The following MYRIP variants were observed in gnomAD, a reference collection of about 807,000 sequenced individuals.
MYRIP encodes the protein rab effector MyRIP.
A neutral mutation model predicts 98.0 loss-of-function variants in MYRIP; 49 were observed. The ratio of observed to expected loss-of-function variants is 0.50; its 90% CI spans 0.40 to 0.63. The LOEUF is 0.63. MYRIP is among the 30% of genes least tolerant of loss of function. The pLI is 0.00. For missense variants in MYRIP, 1,004 were observed against 1,058.2 expected (o/e 0.95, Z 0.71); for synonymous variants, 404 against 409.5 (o/e 0.99, Z 0.16).
chr3:40,037,023 CCAAT>C (rs1947399609), intron 2 of MYRIP, among the ~76,000 whole-genome samples: 9 of 151,658 alleles, frequency 5.9e-5, no homozygotes, highest in Admixed American at 5.9e-4. Flanking sequence ...GCAAAGAAAA[CCAAT>C]CAATCTGATA....
rs199912710 is a variant in MYRIP at position 40,240,223 on chromosome 3, T to C, written c.2101-4223T>C. On this transcript the variant is annotated intron_variant, in intron 12 of 16. Transcript: ENST00000302541. ...GTCAAAGATCAGATAGTTGTAGATA[T>C]GCGGCATTATTTCTGAGGGCTCTGT... Among the ~76,000 whole-genome samples the C allele has an allele frequency of 1.4e-4, 21 of 152,208 alleles. No homozygotes were observed. The East Asian group carries it at 3.9e-3, about 28-fold the overall frequency.
At chr3:40,122,238 G>GA (rs1226512309) in intron 3 of MYRIP, among the ~76,000 whole-genome samples, 8 of 150,168 alleles carry the variant, frequency 5.3e-5, no homozygotes, top group Non-Finnish European at 5.9e-5. Flanking sequence ...GAAAGTAAAT[G>GA]AAAAAGAAAT....
intron 3 of MYRIP, among the ~76,000 whole-genome samples, chr3:40,109,157 C>G (rs1949110601): frequency 6.6e-6 from 1 of 152,082 alleles, no homozygotes; most frequent in Non-Finnish European, 1.5e-5. Flanking sequence ...TTCTAGGGTA[C>G]ATGTGCGCTT....
chr3:40,231,125 C>T (rs919974541), intron 11 of MYRIP, among the ~76,000 whole-genome samples: 15 of 152,274 alleles, frequency 9.9e-5, no homozygotes, highest in Non-Finnish European at 1.5e-5. Flanking sequence ...ACGCCCAGCC[C>T]GTTCAGTCAC....
chr3:40,136,219 G>A (rs1334996743), intron 3 of MYRIP, among the ~76,000 whole-genome samples: 1 of 152,130 alleles, frequency 6.6e-6, no homozygotes, highest in African/African-American at 2.4e-5. Context: ...ACAAAAAAAG[G>A]CAGGGGTTGC....
chr3:40,080,445 G>A (rs72871501), intron 3 of MYRIP, among the ~76,000 whole-genome samples: 3,569 of 151,856 alleles, frequency 0.024, 92 homozygotes, highest in African/African-American at 0.06. Context: ...TGAGTAAGGC[G>A]CTATGCCTTC....
rs889593385 is a variant in MYRIP at position 39,989,971 on chromosome 3, G to A, written c.111-54079G>A. Among the ~76,000 whole-genome samples the A allele has an allele frequency of 9.2e-5, 14 of 152,272 alleles. 1 individual carries two copies. Among genetic ancestry groups the A allele is most frequent in the South Asian group, 6.2e-4 (3 of 4,832 alleles). On this transcript the variant is annotated intron_variant, in intron 2 of 16. Transcript: ENST00000302541. Reference sequence around the variant, plus strand: ...TCAGTCCCAGTGTTGGCTGTCACCCGTCCCCCAAGGAGTCCAAACGGCTTA... The same window carrying A: ...TCAGTCCCAGTGTTGGCTGTCACCCATCCCCCAAGGAGTCCAAACGGCTTA...
intron 3 of MYRIP, among the ~76,000 whole-genome samples, chr3:40,067,503 A>G (rs1422388373): frequency 6.6e-6 from 1 of 152,154 alleles, no homozygotes; most frequent in Non-Finnish European, 1.5e-5. Context: ...GGCCAAGAAG[A>G]TCTGTTCCCT....
intron 2 of MYRIP, among the ~76,000 whole-genome samples, chr3:39,988,184 T>G (rs1946081078): frequency 6.6e-6 from 1 of 151,970 alleles, no homozygotes; most frequent in East Asian, 1.9e-4. Context: ...GGGGAAAGGA[T>G]AGCATTAGGA....
chr3:40,235,261 T>G (rs1343965663), intron 12 of MYRIP, among the ~76,000 whole-genome samples: 1 of 152,208 alleles, frequency 6.6e-6, no homozygotes, highest in Non-Finnish European at 1.5e-5. Context: ...CAGCCATTGC[T>G]AGTGGATCTG....
At chr3:39,947,493 A>G (rs186075674) in intron 2 of MYRIP, among the ~76,000 whole-genome samples, 2 of 152,306 alleles carry the variant, frequency 1.3e-5, no homozygotes, top group Non-Finnish European at 2.9e-5. Context: ...CATTGAGGAG[A>G]TATAAGCACT....
chr3:40,007,658 C>A (rs973990705), intron 2 of MYRIP, among the ~76,000 whole-genome samples: 1 of 152,162 alleles, frequency 6.6e-6, no homozygotes, highest in African/African-American at 2.4e-5. Flanking sequence ...AGAAACAAAA[C>A]CACTAGGATG....
chr3:40,164,906 T>A (rs1483695133), intron 5 of MYRIP, among the ~76,000 whole-genome samples: 2 of 152,226 alleles, frequency 1.3e-5, no homozygotes, highest in Admixed American at 1.3e-4. Context: ...GGGTTACTTA[T>A]GTGTCTAATC....
At chr3:40,014,664 T>C (rs35315569) in intron 2 of MYRIP, among the ~76,000 whole-genome samples, 78,321 of 152,010 alleles carry the variant, frequency 0.52, 21,333 homozygotes, top group East Asian at 0.67. Context: ...TTGTGGTCTA[T>C]GGTAGTTTCT....
intron 10 of MYRIP, among the ~76,000 whole-genome samples, chr3:40,207,153 C>T (rs1951810336): frequency 6.6e-6 from 1 of 152,130 alleles, no homozygotes; most frequent in Non-Finnish European, 1.5e-5. Flanking sequence ...CAGACTGACC[C>T]AGGCCTGATT....
chr3:39,975,282 G>C (rs1015871223), intron 2 of MYRIP, among the ~76,000 whole-genome samples: 5 of 152,074 alleles, frequency 3.3e-5, no homozygotes, highest in African/African-American at 1.2e-4. Flanking sequence ...AATCATGAGT[G>C]AACTCCCATT....
At position 40,048,668 on chromosome 3, in the gene MYRIP, T is replaced by C. The variant is rs146561417; in HGVS notation, c.332+4397T>C. On this transcript the variant is annotated intron_variant, in intron 3 of 16. Transcript: ENST00000302541. ...CAATCCATATTTTTTTCTGTTTGAT[T>C]ATTTAGTTCAGTAAAAGCATTTTGA... 6.8e-3 allele frequency among the ~76,000 whole-genome samples: 1,031 copies of C among 152,284 alleles called. 18 individuals carry two copies. Among genetic ancestry groups the C allele is most frequent in the African/African-American group, 0.022 (932 of 41,560 alleles).
At chr3:40,116,460 T>C (rs1214748747) in intron 3 of MYRIP, among the ~76,000 whole-genome samples, 1 of 152,212 alleles carries the variant, frequency 6.6e-6, no homozygotes, top group Non-Finnish European at 1.5e-5. Context: ...ATTTATGTAT[T>C]TGTTTATCTC....
intron 12 of MYRIP, among the ~76,000 whole-genome samples, chr3:40,244,105 C>T (rs996246897): frequency 6.6e-6 from 1 of 152,114 alleles, no homozygotes; most frequent in African/African-American, 2.4e-5. Context: ...TCATGAGTCT[C>T]TTTGTTTCTT....
Sources: allele counts gnomAD v4.1 joint callset (sites outside exome capture counted in the v4.1 genomes callset), GRCh38; gene constraint gnomAD v4.1.1; transcripts MANE v1.5; gene names NCBI Gene and HGNC (gene_info 2026-07-23, HGNC 2026-07-21).